Variants in TRDN observed in about 807,000 individuals in gnomAD.
The protein encoded by TRDN is triadin in skeletal muscle.
TRDN carries 161 observed loss-of-function variants against 149.7 expected under a neutral mutation model. That is an observed-to-expected ratio of 1.08 (90% confidence interval 0.95 to 1.23). TRDN has a LOEUF of 1.23. Ranked by LOEUF, TRDN falls within the 50% of genes most tolerant of loss-of-function variation. The probability of loss-of-function intolerance (pLI) is 0.00; values close to 1 mark genes in which losing one functional copy is unlikely to be tolerated. For synonymous variants in TRDN, 294 were observed against 250.5 expected, an observed-to-expected ratio of 1.17 and a Z score of -1.64; for missense variants, 896 against 823.5, an observed-to-expected ratio of 1.09 and a Z score of -1.08.
intron 21 of TRDN, chr6:123,351,392 T>C (rs1780458327): frequency 2.0e-6 from 2 of 984,738 alleles, no homozygotes; most frequent in Non-Finnish European, 2.4e-6. Context: ...ATGAACACAC[T>C]GAAATTAGGA....
intron 4 of TRDN, among the ~76,000 whole-genome samples, chr6:123,531,012 A>T (rs1780228827): frequency 6.6e-6 from 1 of 151,984 alleles, no homozygotes; most frequent in African/African-American, 2.4e-5. Context: ...ATATTTCAGA[A>T]GTATTGACTC....
intron 1 of TRDN, among the ~76,000 whole-genome samples, chr6:123,594,063 A>G (rs771270313): frequency 1.4e-4 from 22 of 152,136 alleles, no homozygotes; most frequent in Non-Finnish European, 2.6e-4. Flanking sequence ...AGAAAAGTGT[A>G]TATTTTAAAA....
At chr6:123,219,547 C>T (rs1341866070) in intron 40 of TRDN, among the ~76,000 whole-genome samples, 1 of 151,502 alleles carries the variant, frequency 6.6e-6, no homozygotes, top group East Asian at 2.0e-4. Flanking sequence ...AAGAAGATGG[C>T]CAAATCCATA....
intron 9 of TRDN, among the ~76,000 whole-genome samples, chr6:123,494,284 C>A (rs188670298): frequency 6.6e-6 from 1 of 152,138 alleles, no homozygotes; most frequent in East Asian, 1.9e-4. Context: ...TCTGTGCGGT[C>A]GTTAACAAAA....
intron 12 of TRDN, among the ~76,000 whole-genome samples, chr6:123,429,885 G>A (rs148264589): frequency 6.6e-5 from 10 of 152,194 alleles, no homozygotes; most frequent in East Asian, 1.9e-4. Context: ...ATATCAATGC[G>A]TACAGAGAAG....
At chr6:123,341,232 A>T (rs1035834515) in intron 21 of TRDN, among the ~76,000 whole-genome samples, 12 of 145,654 alleles carry the variant, frequency 8.2e-5, no homozygotes, top group Non-Finnish European at 1.4e-4. Context: ...GATATAACAG[A>T]CTAATTTTAC....
At chr6:123,385,842 A>G (rs1268051121) in intron 14 of TRDN, among the ~76,000 whole-genome samples, 1 of 152,168 alleles carries the variant, frequency 6.6e-6, no homozygotes, top group Non-Finnish European at 1.5e-5. Context: ...GTAGAATTCA[A>G]GGAGCAGCTA....
chr6:123,239,525 T>G (rs1472582876), intron 38 of TRDN, among the ~76,000 whole-genome samples: 4 of 152,086 alleles, frequency 2.6e-5, no homozygotes, highest in Non-Finnish European at 5.9e-5. Context: ...CTGAACACAT[T>G]TCAAAGAAAA....
Position 123,612,974 on chromosome 6 carries a change from C to T in TRDN, c.22+23780G>A, listed in dbSNP as rs756743511. On this transcript the variant is annotated intron_variant, in intron 1 of 40. Transcript: ENST00000334268. The stretch of plus-strand genomic sequence containing the variant: ...CCAACTCTATTTTTCTATAATTCCA[C>T]CTACTTATCATCATGACATTTCTTT... Among the ~76,000 whole-genome samples, 11 of 152,152 alleles carry T rather than the reference C, an allele frequency of 7.2e-5. No individual in the cohort carries two copies. In the South Asian group the frequency reaches 1.7e-3, roughly 23 times the overall value.
Position 123,393,666 on chromosome 6 carries a change from CT to C in TRDN, c.1062del (p.Ala355LeufsTer9). 6.2e-7 allele frequency: 1 copy of C among 1,606,294 alleles called. No homozygotes were observed. On this transcript the variant is annotated frameshift_variant, in exon 13 of 41. Coordinates refer to ENST00000334268, the MANE Select transcript of TRDN (RefSeq NM_006073.4). LOFTEE classifies it high-confidence loss of function. ...ACAGTCCCTTGTTTGGTTTCAGAAG[CT>C]TTTCCCGGCTCTTGGAATGAAAAAA... is the stretch of plus-strand genomic sequence containing the variant. The part of the protein sequence containing the change: ...AIDVEKKEPG[K>X]ASETKQGTVK...
intron 21 of TRDN, among the ~76,000 whole-genome samples, chr6:123,345,011 A>G (rs1582897524): frequency 6.6e-6 from 1 of 152,030 alleles, no homozygotes; most frequent in African/African-American, 2.4e-5. Context: ...TATGTTGAAC[A>G]TCTTTTCATA....
At chr6:123,348,090 A>G (rs1329429746) in intron 21 of TRDN, among the ~76,000 whole-genome samples, 1 of 152,076 alleles carries the variant, frequency 6.6e-6, no homozygotes, top group African/African-American at 2.4e-5. Flanking sequence ...TTCTGTATAA[A>G]AATCAAGTGA....
At chr6:123,465,340 G>A (rs769973115) in intron 9 of TRDN, among the ~76,000 whole-genome samples, 10 of 151,626 alleles carry the variant, frequency 6.6e-5, no homozygotes, top group Non-Finnish European at 1.3e-4. Flanking sequence ...AAGCTGAGGG[G>A]GAATCTTAAT....
intron 10 of TRDN, among the ~76,000 whole-genome samples, chr6:123,453,410 G>GA (rs796192379): frequency 1.8e-4 from 28 of 151,396 alleles, no homozygotes; most frequent in African/African-American, 6.5e-4. Context: ...AAGACAGTAA[G>GA]AAAAAAAACA....
At chr6:123,229,283 C>A (rs1775504547) in intron 38 of TRDN, among the ~76,000 whole-genome samples, 1 of 151,876 alleles carries the variant, frequency 6.6e-6, no homozygotes, top group Non-Finnish European at 1.5e-5. Context: ...GGCCTACTGA[C>A]ACAAGGGTTC....
At chr6:123,516,330 C>A in intron 5 of TRDN, 124 bp from the exon 6 acceptor site, 1 of 1,171,014 alleles carries the variant, frequency 8.5e-7, no homozygotes, top group Non-Finnish European at 1.1e-6. Flanking sequence ...TAACTGGATT[C>A]AGATTTTATG....
At position 123,410,012 on chromosome 6, in the gene TRDN, G is replaced by A. The variant is rs76939958; in HGVS notation, c.1052-16335C>T. On this transcript the variant is annotated intron_variant, in intron 12 of 40. Transcript: ENST00000334268. ...ATGGATGGAGCAAAGGGCGATGAAA[G>A]AGTTATCAAGAGATGAAGCCAGAGA... Among the ~76,000 whole-genome samples, 264 of 152,294 alleles carry A rather than the reference G, an allele frequency of 1.7e-3. 1 individual carries two copies. Among genetic ancestry groups the A allele is most frequent in the Non-Finnish European group, 3.1e-3 (213 of 68,014 alleles).
intron 20 of TRDN, among the ~76,000 whole-genome samples, chr6:123,363,746 A>G (rs540297288): frequency 2.0e-5 from 3 of 152,242 alleles, no homozygotes; most frequent in South Asian, 2.1e-4. Context: ...TTCAATTTCA[A>G]TTCTGTCTAT....
At chr6:123,474,321 C>A (rs1777347194) in intron 9 of TRDN, among the ~76,000 whole-genome samples, 2 of 151,958 alleles carry the variant, frequency 1.3e-5, no homozygotes, top group South Asian at 2.1e-4. Flanking sequence ...GACTTTAAAC[C>A]AACAAAGATC....
Sources: allele counts gnomAD v4.1 joint callset (sites outside exome capture counted in the v4.1 genomes callset), GRCh38; gene constraint gnomAD v4.1.1; transcripts MANE v1.5; gene names NCBI Gene and HGNC (gene_info 2026-07-23, HGNC 2026-07-21).